GNAI1: variants seen among roughly 807,000 people sequenced by gnomAD.
The protein encoded by GNAI1 is guanine nucleotide-binding protein G(i) subunit alpha-1.
Under a neutral mutation model 38.9 loss-of-function variants are expected in GNAI1, and 11 were observed. That is an observed-to-expected ratio of 0.28 (90% CI 0.18 to 0.47). The LOEUF (loss-of-function observed/expected upper bound fraction) is 0.47. Ranked by LOEUF, GNAI1 falls within the 20% of genes least tolerant of loss-of-function variation. The pLI, the probability that GNAI1 is intolerant of heterozygous loss-of-function variation, is 0.99. For synonymous variants in GNAI1, 166 were observed against 145.1 expected, an observed-to-expected ratio of 1.14 and a Z score of -1.04; for missense variants, 317 against 436.9, an observed-to-expected ratio of 0.73 and a Z score of 2.45.
intron 3 of GNAI1, among the ~76,000 whole-genome samples, chr7:80,198,575 C>T (rs1279096132): frequency 1.3e-5 from 2 of 152,078 alleles, no homozygotes; most frequent in East Asian, 3.9e-4. Flanking sequence ...AGTATTTCTA[C>T]TCCAAAGCTG....
At chr7:80,212,690 A>G in intron 6 of GNAI1, 26 bp from the exon 7 acceptor site, 1 of 1,427,782 alleles carries the variant, frequency 7.0e-7, no homozygotes, top group South Asian at 1.6e-5. Flanking sequence ...GTTAGTGACG[A>G]TTGGTTTTAT....
At chr7:80,202,215 C>T (rs548708466) in intron 4 of GNAI1, among the ~76,000 whole-genome samples, 1 of 152,006 alleles carries the variant, frequency 6.6e-6, no homozygotes, top group South Asian at 2.1e-4. Context: ...TCAGCCTCCC[C>T]AATAGCTGGG....
intron 3 of GNAI1, among the ~76,000 whole-genome samples, chr7:80,193,447 A>AT (rs1416731566): frequency 6.6e-6 from 1 of 152,240 alleles, no homozygotes; most frequent in Non-Finnish European, 1.5e-5. Context: ...CAAGGCTTGC[A>AT]TAGAGCAGTC....
chr7:80,191,846 A>G lies in GNAI1; in HGVS notation c.303+2615A>G, dbSNP rs556005801. 7.9e-5 allele frequency among the ~76,000 whole-genome samples: 12 copies of G among 152,352 alleles called. 1 individual carries two copies. In the South Asian group the frequency reaches 2.5e-3, roughly 32 times the overall value. On this transcript the variant is annotated intron_variant, in intron 3 of 7. Transcript: ENST00000649796. ...GAATAATCTGTTTTAGTATCCGTTC[A>G]TAAGTGTCTGTTTTACCATAGTCTC...
chr7:80,171,622 G>A (rs1260107835), intron 1 of GNAI1, among the ~76,000 whole-genome samples: 1 of 152,142 alleles, frequency 6.6e-6, no homozygotes, highest in Non-Finnish European at 1.5e-5. Flanking sequence ...GGTGCAGGGC[G>A]AAACAATCCT....
intron 1 of GNAI1, among the ~76,000 whole-genome samples, chr7:80,152,832 A>G (rs992843308): frequency 1.3e-5 from 2 of 151,924 alleles, no homozygotes; most frequent in Admixed American, 6.6e-5. Flanking sequence ...CGGCCTCCCA[A>G]AGTGCTGGGA....
At chr7:80,153,737 AC>A (rs201416656) in intron 1 of GNAI1, among the ~76,000 whole-genome samples, 1,834 of 152,216 alleles carry the variant, frequency 0.012, 17 homozygotes, top group East Asian at 0.045. Context: ...AATTTAGGTA[AC>A]ACAAAGTGGT....
chr7:80,150,077 T>A (rs568592382), intron 1 of GNAI1, among the ~76,000 whole-genome samples: 32 of 152,310 alleles, frequency 2.1e-4, no homozygotes, highest in African/African-American at 7.5e-4. Context: ...ACAGCTTTAA[T>A]GTACTGTTGG....
At chr7:80,173,359 T>G (rs753284189) in intron 1 of GNAI1, among the ~76,000 whole-genome samples, 1 of 152,180 alleles carries the variant, frequency 6.6e-6, no homozygotes, top group African/African-American at 2.4e-5. Flanking sequence ...GGACTATAGC[T>G]TAGATGTCAA....
chr7:80,223,080 T>C lies in GNAI1; in HGVS notation c.*5587T>C, dbSNP rs60242631. Among the ~76,000 whole-genome samples the C allele has an allele frequency of 2.9e-3, 447 of 152,312 alleles. No homozygotes were observed. The highest frequency in any genetic ancestry group is 0.01 in the African/African-American group (431 of 41,582). ...ATTGATTGCATGGGTACTTGAAATA[T>C]GGTTTCTAACTGAATGCATACCAGT... On this transcript the variant is annotated 3_prime_UTR_variant, in exon 8 of 8. Transcript: ENST00000649796.
rs398005254 is a variant in GNAI1, at chr7:80,137,317, CTTTT to C, written c.118+2057_118+2060del. ...TCTTTTTTTTTTTTTCTTTTCTTTT[CTTTT>C]TTTTTTTTTTTTTTTTTGAGACGGA... On this transcript the variant is annotated intron_variant, in intron 1 of 7. Transcript: ENST00000649796. Among the ~76,000 whole-genome samples the C allele has an allele frequency of 5.1e-3, 277 of 53,924 alleles. 1 individual carries two copies. The highest frequency in any genetic ancestry group is 0.01 in the South Asian group (13 of 1,246). The allele number at this position is 53,924 out of a possible 152,430, so 35.4% of individuals were successfully genotyped here.
chr7:80,209,703 A>G (rs1215175153), intron 5 of GNAI1, among the ~76,000 whole-genome samples: 1 of 152,206 alleles, frequency 6.6e-6, no homozygotes, highest in South Asian at 2.1e-4. Context: ...AAGTTATCTG[A>G]GATATGCTAT....
At chr7:80,145,069 A>C (rs1428595968) in intron 1 of GNAI1, among the ~76,000 whole-genome samples, 1 of 152,154 alleles carries the variant, frequency 6.6e-6, no homozygotes, top group African/African-American at 2.4e-5. Flanking sequence ...CACCTGATCC[A>C]CTAGCATCTT....
chr7:80,192,107 CAA>C (rs1180683606), intron 3 of GNAI1, among the ~76,000 whole-genome samples: 1 of 152,172 alleles, frequency 6.6e-6, no homozygotes, highest in Non-Finnish European at 1.5e-5. Flanking sequence ...TTGCATATTG[CAA>C]ACACTTTTGC....
intron 1 of GNAI1, among the ~76,000 whole-genome samples, chr7:80,147,160 A>G (rs963788436): frequency 5.9e-5 from 9 of 152,018 alleles, no homozygotes; most frequent in African/African-American, 1.7e-4. Context: ...TGTTTTTCTG[A>G]CTGTTTTCCT....
At chr7:80,164,382 A>G (rs1787978687) in intron 1 of GNAI1, among the ~76,000 whole-genome samples, 1 of 135,574 alleles carries the variant, frequency 7.4e-6, no homozygotes. Context: ...TTTTTTTTTG[A>G]GACGGAGTCT....
intron 1 of GNAI1, among the ~76,000 whole-genome samples, chr7:80,177,251 T>C (rs1042589352): frequency 2.6e-5 from 4 of 151,782 alleles, no homozygotes; most frequent in Admixed American, 6.6e-5. Context: ...AGGATGGTCT[T>C]GATCTCCTCA....
At chr7:80,151,034 A>G (rs1397149850) in intron 1 of GNAI1, among the ~76,000 whole-genome samples, 2 of 152,132 alleles carry the variant, frequency 1.3e-5, no homozygotes, top group Non-Finnish European at 2.9e-5. Flanking sequence ...TGTTCTCTTC[A>G]TTAGCATGGA....
chr7:80,206,290 A>G (rs960484647), intron 5 of GNAI1, among the ~76,000 whole-genome samples: 1 of 152,048 alleles, frequency 6.6e-6, no homozygotes, highest in African/African-American at 2.4e-5. Flanking sequence ...ATGTGGCAAC[A>G]TTAGCTTTGT....
Sources: allele counts gnomAD v4.1 joint callset (sites outside exome capture counted in the v4.1 genomes callset), GRCh38; gene constraint gnomAD v4.1.1; transcripts MANE v1.5; gene names NCBI Gene and HGNC (gene_info 2026-07-23, HGNC 2026-07-21).